Variants in UGT1A8 observed in about 807,000 individuals in gnomAD.
UGT1A8 encodes UDP glucuronosyltransferase family 1 member A8.
A neutral mutation model predicts 45.3 loss-of-function variants in UGT1A8; 39 were observed. The observed-to-expected ratio is 0.86, with a 90% CI of 0.67 to 1.12. The LOEUF is 1.12. Among genes scored for constraint, UGT1A8 ranks in the 50% most tolerant of loss-of-function variants. UGT1A8 has a pLI of 0.00. For synonymous variants in UGT1A8, 275 were observed against 249.2 expected (o/e 1.10, Z -0.97); for missense variants, 719 against 664.9 (o/e 1.08, Z -0.90).
At chr2:233,767,802 T>C in intron 2 of UGT1A8, 47 bp from the exon 3 acceptor site, 1 of 1,614,174 alleles carries the variant, frequency 6.2e-7, no homozygotes, top group East Asian at 2.2e-5. Flanking sequence ...TGTTTTCTAA[T>C]CATATTATGT....
chr2:233,659,005 A>G (rs1480180136), intron 1 of UGT1A8, among the ~76,000 whole-genome samples: 1 of 152,232 alleles, frequency 6.6e-6, no homozygotes, highest in East Asian at 1.9e-4. Context: ...TTTGGTTGAA[A>G]TCATATTTAA....
At chr2:233,739,315 GAGA>G (rs1462380897) in intron 1 of UGT1A8, among the ~76,000 whole-genome samples, 27 of 152,314 alleles carry the variant, frequency 1.8e-4, no homozygotes, top group African/African-American at 5.5e-4. Context: ...GTGGAGTTGT[GAGA>G]AGAAGGCCAC....
intron 1 of UGT1A8, among the ~76,000 whole-genome samples, chr2:233,646,777 T>C (rs1443882959): frequency 6.6e-6 from 1 of 152,206 alleles, no homozygotes; most frequent in Non-Finnish European, 1.5e-5. Flanking sequence ...CAAACTTTCC[T>C]ACATTTTCCT....
At chr2:233,722,463 G>A (rs1258292673) in intron 1 of UGT1A8, among the ~76,000 whole-genome samples, 2 of 152,154 alleles carry the variant, frequency 1.3e-5, no homozygotes, top group Admixed American at 6.5e-5. Flanking sequence ...AATAACTGTG[G>A]AATTTGTATA....
At position 233,652,745 on chromosome 2, in the gene UGT1A8, C is replaced by T. The variant is rs192733559; in HGVS notation, c.855+34183C>T. On this transcript the variant is annotated intron_variant, in intron 1 of 4. Coordinates refer to ENST00000373450, the MANE Select transcript of UGT1A8 (RefSeq NM_019076.5). ...AAAGAATAATCTCTTCAACAGAGGT[C>T]GCTGAGACAGCTGCATATCCACATG... Among the ~76,000 whole-genome samples, 58 of 152,278 alleles carry T rather than the reference C, an allele frequency of 3.8e-4. 1 individual carries two copies. The highest frequency in any genetic ancestry group is 1.0e-3 in the Admixed American group (16 of 15,296).
intron 1 of UGT1A8, among the ~76,000 whole-genome samples, chr2:233,756,699 T>C (rs1393034568): frequency 2.0e-5 from 3 of 152,130 alleles, no homozygotes; most frequent in Non-Finnish European, 4.4e-5. Flanking sequence ...ACGATGAATT[T>C]TGGGGGGACT....
At position 233,767,137 on chromosome 2, in the gene UGT1A8, C is replaced by T. The variant is rs761316504; in HGVS notation, c.959C>T (p.Ala320Val). The T allele has an allele frequency of 3.1e-6, 5 of 1,614,108 alleles. No homozygotes were observed. The highest frequency in any genetic ancestry group is 1.7e-5 in the Admixed American group (1 of 60,028). Reference protein sequence around the residue: ...EIPEKKAMAIADALGKIPQTV... With the variant: ...EIPEKKAMAIVDALGKIPQTV... ...CCAGAGAAGAAAGCTATGGCAATTGCTGATGCTTTGGGCAAAATCCCTCAG... is the reference window on the plus strand; with the variant it reads ...CCAGAGAAGAAAGCTATGGCAATTGTTGATGCTTTGGGCAAAATCCCTCAG... The change falls in exon 2 of 5, where the codon GCT becomes GTT. Residue 320 changes from alanine (A) to valine (V), a missense_variant. Coordinates refer to ENST00000373450, the MANE Select transcript of UGT1A8 (RefSeq NM_019076.5).
chr2:233,737,383 C>T (rs1188970880), intron 1 of UGT1A8, among the ~76,000 whole-genome samples: 6 of 152,224 alleles, frequency 3.9e-5, no homozygotes, highest in Non-Finnish European at 8.8e-5. Flanking sequence ...AGAGAATCTC[C>T]TTGTCTGCCA....
At chr2:233,671,756 A>G in intron 1 of UGT1A8, 1 of 1,326,014 alleles carries the variant, frequency 7.5e-7, no homozygotes, top group Non-Finnish European at 9.8e-7. Context: ...TATCTCAGCA[A>G]AAGCTACTCA....
chr2:233,753,085 C>T (rs1365560580), intron 1 of UGT1A8: 1 of 152,188 alleles, frequency 6.6e-6, no homozygotes, highest in Non-Finnish European at 1.5e-5. Flanking sequence ...CCTTTTATTC[C>T]TGAACGGCTC....
At position 233,769,903 on chromosome 2, in the gene UGT1A8, G is replaced by C. The variant is rs1699979126; in HGVS notation, c.1295+1464G>C. On this transcript the variant is annotated intron_variant, in intron 4 of 4. Transcript: ENST00000373450. The surrounding 1 kb of genome is among the most constrained non-coding windows in gnomAD (Gnocchi z 4.4). ...AAAGTCCACATAACCTGAGCATCATGTGCCCAGAGCGTTGGGTGGTGTGGT... is the reference window on the plus strand; with the variant it reads ...AAAGTCCACATAACCTGAGCATCATCTGCCCAGAGCGTTGGGTGGTGTGGT... 1 of 333,056 alleles carries C rather than the reference G, an allele frequency of 3.0e-6. No individual in the cohort carries two copies. The highest frequency in any genetic ancestry group is 6.0e-5 in the East Asian group (1 of 16,780). 20.6% of individuals were successfully genotyped at this position (333,056 alleles called of 1,614,324 possible).
intron 1 of UGT1A8, among the ~76,000 whole-genome samples, chr2:233,762,865 T>G (rs1473495061): frequency 6.6e-6 from 1 of 152,238 alleles, no homozygotes; most frequent in Non-Finnish European, 1.5e-5. Context: ...TAAAGAAATT[T>G]TGGTTTCTTC....
At chr2:233,719,031 G>C (rs140140394) in intron 1 of UGT1A8, 1,168 of 1,614,166 alleles carry the variant, frequency 7.2e-4, no homozygotes, top group Non-Finnish European at 9.3e-4. Flanking sequence ...GCACATCAAA[G>C]AAGAGAAATT....
At chr2:233,725,101 C>G (rs1177502962) in intron 1 of UGT1A8, among the ~76,000 whole-genome samples, 4 of 143,214 alleles carry the variant, frequency 2.8e-5, no homozygotes, top group African/African-American at 1.1e-4. Context: ...GCAGGAGAAT[C>G]AGGCAGGGAG....
At chr2:233,645,027 G>A (rs1021119065) in intron 1 of UGT1A8, among the ~76,000 whole-genome samples, 3 of 152,128 alleles carry the variant, frequency 2.0e-5, no homozygotes, top group Admixed American at 6.5e-5. Flanking sequence ...TTGGGAGCAG[G>A]TAGACCACTT....
rs1427279208 is a variant in UGT1A8 at position 233,769,059 on chromosome 2, C to T, written c.1295+620C>T. Among the ~76,000 whole-genome samples, 3 of 152,006 alleles carry T rather than the reference C, an allele frequency of 2.0e-5. No individual in the cohort carries two copies. Among genetic ancestry groups the T allele is most frequent in the African/African-American group, 4.8e-5 (2 of 41,348 alleles). ...ACATCTGATCCATAAGTTTCCTGCA[C>T]AGAAAGAAATACTCCATTATAAGAA... is the stretch of plus-strand genomic sequence containing the variant. On this transcript the variant is annotated intron_variant, in intron 4 of 4. Transcript: ENST00000373450. The surrounding 1 kb of genome is among the most constrained non-coding windows in gnomAD (Gnocchi z 4.4).
intron 1 of UGT1A8, among the ~76,000 whole-genome samples, chr2:233,731,443 A>T (rs1454416898): frequency 6.6e-6 from 1 of 151,114 alleles, no homozygotes; most frequent in Non-Finnish European, 1.5e-5. Context: ...CCAGTCCCCC[A>T]CCCCACAACA....
chr2:233,630,800 G>A (rs923595758), intron 1 of UGT1A8, among the ~76,000 whole-genome samples: 11 of 151,052 alleles, frequency 7.3e-5, no homozygotes, highest in Admixed American at 7.3e-4. Flanking sequence ...CATATGCCAT[G>A]GTAGCACATA....
intron 2 of UGT1A8, 116 bp downstream of exon 2, chr2:233,767,281 C>T: frequency 6.4e-7 from 1 of 1,571,624 alleles, no homozygotes; most frequent in Non-Finnish European, 8.6e-7. Flanking sequence ...TTTTCCCTGC[C>T]ACTTCCCAAC....
Sources: gnomAD v4.1 joint callset for allele counts (sites outside exome capture counted in the v4.1 genomes callset) on GRCh38, gnomAD v4.1.1 for gene constraint, Gnocchi (gnomAD v3.1) non-coding constraint, MANE v1.5 for transcripts, NCBI Gene and HGNC (gene_info 2026-07-23, HGNC 2026-07-21) for gene names.